The following NAV3 variants were observed in gnomAD, a reference collection of about 807,000 sequenced individuals.
The protein encoded by NAV3 is neuron navigator 3.
Under a neutral mutation model 244.7 loss-of-function variants are expected in NAV3, and 87 were observed. That is an observed-to-expected ratio of 0.36 (90% confidence interval 0.30 to 0.42). The LOEUF is 0.42. Among genes scored for constraint, NAV3 ranks in the 20% least tolerant of loss-of-function variants. NAV3 has a pLI of 1.00. For synonymous variants in NAV3, 1,126 were observed against 1,042.2 expected (o/e 1.08, Z -1.55); for missense variants, 2,663 against 2,893.3 (o/e 0.92, Z 1.83).
intron 2 of NAV3, among the ~76,000 whole-genome samples, chr12:77,771,486 T>A (rs528587413): frequency 1.4e-3 from 216 of 152,302 alleles, no homozygotes; most frequent in African/African-American, 5.1e-3. Flanking sequence ...GCAGCACTAT[T>A]CACAATAGCA....
chr12:77,778,572 A>G (rs969169498), intron 2 of NAV3, among the ~76,000 whole-genome samples: 2 of 150,480 alleles, frequency 1.3e-5, no homozygotes, highest in East Asian at 3.9e-4. Flanking sequence ...AGATCGCGCC[A>G]CTGCACTCCA....
chr12:77,579,717 C>T (rs538975162), intron 2 of NAV3, among the ~76,000 whole-genome samples: 1 of 152,204 alleles, frequency 6.6e-6, no homozygotes. Context: ...CCTAATACAA[C>T]ATGGCTTACT....
chr12:77,726,880 G>T (rs544230903), intron 2 of NAV3, among the ~76,000 whole-genome samples: 1 of 152,052 alleles, frequency 6.6e-6, no homozygotes, highest in East Asian at 1.9e-4. Flanking sequence ...GATGAAGACG[G>T]AGAGGTGAGA....
chr12:77,608,527 C>A (rs2136806526), intron 2 of NAV3, among the ~76,000 whole-genome samples: 1 of 152,190 alleles, frequency 6.6e-6, no homozygotes. Context: ...TAACAAGATG[C>A]TAATAAGAGA....
At chr12:78,135,236 C>T (rs1192652256) in intron 18 of NAV3, among the ~76,000 whole-genome samples, 1 of 152,174 alleles carries the variant, frequency 6.6e-6, no homozygotes, top group Non-Finnish European at 1.5e-5. Context: ...CTACTGGCTA[C>T]TCTTGAAATC....
intron 8 of NAV3, among the ~76,000 whole-genome samples, chr12:78,018,430 G>A (rs1876596053): frequency 6.6e-6 from 1 of 152,126 alleles, no homozygotes; most frequent in Non-Finnish European, 1.5e-5. Context: ...TTTTAGTAGA[G>A]CAAAAACTAT....
intron 3 of NAV3, among the ~76,000 whole-genome samples, chr12:77,953,313 A>G (rs2137689986): frequency 6.6e-6 from 1 of 152,270 alleles, no homozygotes; most frequent in South Asian, 2.1e-4. Context: ...ACATGTGTTT[A>G]TAGAGCTTAG....
intron 1 of NAV3, among the ~76,000 whole-genome samples, chr12:77,932,111 T>C (rs1200221351): frequency 6.6e-6 from 1 of 152,110 alleles, no homozygotes; most frequent in Non-Finnish European, 1.5e-5. Context: ...TATGAAATCC[T>C]ATATTCCTGA....
At chr12:77,612,330 G>A (rs951863291) in intron 2 of NAV3, among the ~76,000 whole-genome samples, 2 of 152,114 alleles carry the variant, frequency 1.3e-5, no homozygotes, top group Non-Finnish European at 2.9e-5. Context: ...TTTATAAAGT[G>A]GAGATTAAAT....
At chr12:78,159,062 AC>A in intron 22 of NAV3, 140 bp from the exon 23 acceptor site, 1 of 517,306 alleles carries the variant, frequency 1.9e-6, no homozygotes, top group South Asian at 3.6e-5. Flanking sequence ...AAGAAGAGTC[AC>A]CAGTCAGAGC....
At chr12:77,795,093 A>C (rs1420340223) in intron 2 of NAV3, among the ~76,000 whole-genome samples, 1 of 152,246 alleles carries the variant, frequency 6.6e-6, no homozygotes, top group Non-Finnish European at 1.5e-5. Context: ...GCCAAGATAG[A>C]CTGAAAGCTA....
chr12:77,732,893 T>C (rs907355680), intron 2 of NAV3, among the ~76,000 whole-genome samples: 3 of 151,980 alleles, frequency 2.0e-5, no homozygotes, highest in African/African-American at 7.2e-5. Context: ...GGAGCATAGA[T>C]GTATGATGCA....
intron 1 of NAV3, among the ~76,000 whole-genome samples, chr12:77,939,778 G>C (rs1373281779): frequency 6.6e-6 from 1 of 152,040 alleles, no homozygotes; most frequent in Non-Finnish European, 1.5e-5. Context: ...CATTTCAAGA[G>C]GCTTAAATGG....
At position 78,082,583 on chromosome 12, in the gene NAV3, C is replaced by A. The variant is rs776184968; in HGVS notation, c.2636+23468C>A. ...AAACAAAATCACTGTGTGATATAGC[C>A]CCCCCCACCATTAGCATTTCAATAG... On this transcript the variant is annotated intron_variant, in intron 12 of 39. Coordinates refer to ENST00000397909, the MANE Select transcript of NAV3 (RefSeq NM_001024383.2). Among the ~76,000 whole-genome samples the A allele has an allele frequency of 2.6e-4, 39 of 149,642 alleles. 1 individual carries two copies. Among genetic ancestry groups the A allele is most frequent in the South Asian group, 1.2e-3 (6 of 4,812 alleles).
intron 12 of NAV3, among the ~76,000 whole-genome samples, chr12:78,063,463 C>A (rs1297349767): frequency 1.3e-5 from 2 of 152,088 alleles, no homozygotes; most frequent in East Asian, 1.9e-4. Flanking sequence ...ACTCTAGATT[C>A]TATGCTAACA....
In NAV3 at chr12:77,863,299, C is replaced by CTA. The variant is rs1313092038; in HGVS notation, c.243+31599_243+31600dup. Among the ~76,000 whole-genome samples, 16 of 151,932 alleles carry CTA rather than the reference C, an allele frequency of 1.1e-4. No homozygotes were observed. In the East Asian group the frequency reaches 3.1e-3, roughly 29 times the overall value. ...TCTCAAGATTGTTACAATAAACCGT[C>CTA]TATATTTGAAATTGTAGAAGTTCAA... On this transcript the variant is annotated intron_variant, in intron 1 of 39. Transcript: ENST00000397909.
Position 78,179,523 on chromosome 12 carries a change from C to T in NAV3, c.5364-6C>T, listed in dbSNP as rs746150287. ...GGCCACTGATTCTGTTTGTTTCCTT[C>T]TTCAGGATCTGTGAATGCACAGAAG... On this transcript the variant is annotated splice_region_variant and splice_polypyrimidine_tract_variant and intron_variant, in intron 28 of 39. Coordinates refer to ENST00000397909, the MANE Select transcript of NAV3 (RefSeq NM_001024383.2). 2 of 1,612,990 alleles carry T rather than the reference C, an allele frequency of 1.2e-6. No individual in the cohort carries two copies. Among genetic ancestry groups the T allele is most frequent in the African/African-American group, 1.3e-5 (1 of 74,996 alleles).
chr12:77,994,823 C>T lies in NAV3; in HGVS notation c.692C>T (p.Thr231Ile), dbSNP rs780879087. The change falls in exon 6 of 40, where the codon ACT becomes ATT. Residue 231 changes from threonine to isoleucine, a missense_variant. By Grantham distance (89) the Thr-to-Ile change is moderately conservative (BLOSUM62 -1). Around this residue, in one of 6 missense-constraint regions of NAV3, gnomAD observed 1,521 missense variants for 1,497.0 expected, o/e 1.02. Coordinates refer to ENST00000397909, the MANE Select transcript of NAV3 (RefSeq NM_001024383.2). ...TACAGTCTGGCAGCCAGATATGCAACTCAGTCTAATCACAGTGGAATTGCA... is the reference window on the plus strand; with the variant it reads ...TACAGTCTGGCAGCCAGATATGCAATTCAGTCTAATCACAGTGGAATTGCA... ...MQSSLAARYA[T>I]QSNHSGIATS... The T allele has an allele frequency of 1.9e-6, 3 of 1,611,158 alleles. No homozygotes were observed. The highest frequency in any genetic ancestry group is 2.5e-6 in the Non-Finnish European group (3 of 1,178,576).
At chr12:78,064,426 T>TCTGCCTGCCTGCCTGCCTGC (rs1555273018) in intron 12 of NAV3, among the ~76,000 whole-genome samples, 14 of 136,292 alleles carry the variant, frequency 1.0e-4, no homozygotes, top group African/African-American at 3.8e-4. Context: ...TGTCTGTCTG[T>TCTGCCTGCCTGCCTGCCTGC]CTGCCTGCCT....
Sources: gnomAD v4.1 joint callset for allele counts (sites outside exome capture counted in the v4.1 genomes callset) on GRCh38, gnomAD v4.1.1 for gene constraint, gnomAD v4.1.1 regional missense constraint, MANE v1.5 for transcripts, NCBI Gene and HGNC (gene_info 2026-07-23, HGNC 2026-07-21) for gene names.